CTBP2: variants seen among roughly 807,000 people sequenced by gnomAD.
CTBP2 encodes C-terminal-binding protein 2.
A neutral mutation model predicts 80.3 loss-of-function variants in CTBP2; 30 were observed. The observed-to-expected ratio is 0.37, with a 90% confidence interval of 0.28 to 0.51. The LOEUF (loss-of-function observed/expected upper bound fraction) is 0.51. CTBP2 is among the 20% of genes least tolerant of loss of function. The pLI, the probability that CTBP2 is intolerant of heterozygous loss-of-function variation, is 0.93. For missense variants in CTBP2, 1,212 were observed against 1,375.3 expected (o/e 0.88, Z 1.88); for synonymous variants, 594 against 587.4 (o/e 1.01, Z -0.16).
chr10:124,993,315 G>T lies in CTBP2; in HGVS notation c.2546C>A (p.Pro849Gln). The T allele has an allele frequency of 6.2e-6, 10 of 1,608,954 alleles. No individual in the cohort carries two copies. Among genetic ancestry groups the T allele is most frequent in the Non-Finnish European group, 8.5e-6 (10 of 1,175,816 alleles). The change falls in exon 7 of 9, where the codon CCG (proline) becomes CAG (glutamine). Residue 849 changes from proline to glutamine, a missense_variant. Around this residue, in one of 3 missense-constraint regions of CTBP2, gnomAD observed 335 missense variants for 504.7 expected, o/e 0.66. Transcript: ENST00000309035. ...GATGAGATTCGGGGCATCTTTCAAC[G>T]GACCCTGAGCAAAGCTAGAAAAATG... is the stretch of plus-strand genomic sequence containing the variant.
chr10:125,159,097 G>A (rs1451632725), intron 1 of CTBP2, among the ~76,000 whole-genome samples: 4 of 149,980 alleles, frequency 2.7e-5, no homozygotes, highest in Non-Finnish European at 4.5e-5. Flanking sequence ...GGGGCGCTGG[G>A]GGCAGCGCGA....
At chr10:125,121,715 G>A (rs960812380) in intron 1 of CTBP2, among the ~76,000 whole-genome samples, 8 of 152,102 alleles carry the variant, frequency 5.3e-5, no homozygotes, top group Non-Finnish European at 8.8e-5. Context: ...AGTGCCAAAC[G>A]AATACAACAA....
At chr10:125,013,634 C>T (rs1956161338) in intron 1 of CTBP2, among the ~76,000 whole-genome samples, 1 of 152,182 alleles carries the variant, frequency 6.6e-6, no homozygotes, top group African/African-American at 2.4e-5. Context: ...TCTCTTGCAC[C>T]CTCCACACAA....
intron 1 of CTBP2, among the ~76,000 whole-genome samples, chr10:125,146,605 C>T (rs1011847216): frequency 8.5e-5 from 13 of 152,052 alleles, no homozygotes; most frequent in African/African-American, 2.9e-4. Context: ...TTTTTAATAG[C>T]ATGAGTTGAA....
At chr10:125,147,008 T>C (rs894771448) in intron 1 of CTBP2, among the ~76,000 whole-genome samples, 1 of 152,148 alleles carries the variant, frequency 6.6e-6, no homozygotes. Flanking sequence ...CCACAGCTGC[T>C]GCTGACTGAG....
At chr10:125,008,087 C>T (rs887521918) in intron 1 of CTBP2, among the ~76,000 whole-genome samples, 8 of 152,258 alleles carry the variant, frequency 5.3e-5, no homozygotes, top group African/African-American at 1.9e-4. Context: ...GCTGAGACTA[C>T]AGGCATGTGC....
intron 3 of CTBP2, among the ~76,000 whole-genome samples, chr10:125,038,452 TAATC>T (rs1425424291): frequency 1.3e-5 from 2 of 152,152 alleles, no homozygotes; most frequent in East Asian, 3.8e-4. Flanking sequence ...GCGCAGTGCT[TAATC>T]AACACTTCAG....
chr10:125,146,494 G>A (rs1858802111), intron 1 of CTBP2, among the ~76,000 whole-genome samples: 1 of 152,086 alleles, frequency 6.6e-6, no homozygotes, highest in Non-Finnish European at 1.5e-5. Flanking sequence ...TGTTGGCCAG[G>A]CTGGTCTCAA....
chr10:125,046,210 G>T (rs7075394), intron 2 of CTBP2, among the ~76,000 whole-genome samples: 41,746 of 152,030 alleles, frequency 0.27, 6,086 homozygotes, highest in Admixed American at 0.36. Context: ...TTTAGGGCAG[G>T]TCAAATTCTG....
At chr10:125,153,961 T>G (rs1055369112) in intron 1 of CTBP2, among the ~76,000 whole-genome samples, 3 of 152,244 alleles carry the variant, frequency 2.0e-5, no homozygotes, top group African/African-American at 7.2e-5. Context: ...CTACACACAC[T>G]GTCTCTGTGA....
In CTBP2 at chr10:125,040,971, C is replaced by T. The variant is rs148105068; in HGVS notation, c.-101-1816G>A. On this transcript the variant is annotated intron_variant, in intron 2 of 10. Coordinates refer to the CTBP2 transcript ENST00000337195. Reference sequence around the variant, plus strand: ...CAACGATTGGGAAGTTCCCCCAAAACGGGGACTGACCATATCGGATCAGTC... The same window carrying T: ...CAACGATTGGGAAGTTCCCCCAAAATGGGGACTGACCATATCGGATCAGTC... 7.2e-5 allele frequency among the ~76,000 whole-genome samples: 11 copies of T among 152,338 alleles called. No homozygotes were observed. In the East Asian group the frequency reaches 1.9e-3, roughly 27 times the overall value.
chr10:125,130,995 C>T (rs1002720468), intron 1 of CTBP2, among the ~76,000 whole-genome samples: 1 of 152,120 alleles, frequency 6.6e-6, no homozygotes, highest in Non-Finnish European at 1.5e-5. Flanking sequence ...AGCCAAGACA[C>T]GATCAGCTCT....
intron 1 of CTBP2, among the ~76,000 whole-genome samples, chr10:125,016,418 C>T (rs1956491551): frequency 6.6e-6 from 1 of 152,258 alleles, no homozygotes; most frequent in Non-Finnish European, 1.5e-5. Flanking sequence ...CACCAGTGTT[C>T]CAGAGAAATG....
chr10:124,987,425 A>G lies in CTBP2; in HGVS notation c.*2093T>C, dbSNP rs559315725. 1.3e-5 allele frequency: 2 copies of G among 152,188 alleles called. No homozygotes were observed. Among genetic ancestry groups the G allele is most frequent in the South Asian group, 4.2e-4 (2 of 4,814 alleles). The allele number at this position is 152,188 out of a possible 1,614,324, so 9.4% of individuals were successfully genotyped here. A position where few individuals can be genotyped will look rare whatever the true frequency, so the allele number is the denominator to read the frequency against. On this transcript the variant is annotated 3_prime_UTR_variant, in exon 9 of 9. Coordinates refer to ENST00000309035, the MANE Select transcript of CTBP2 (RefSeq NM_022802.3). ...GATCTAATAATTAAAACCCAGGTGG[A>G]CCATGGATTCAGACCTGCCTTTTTA...
chr10:125,048,370 A>G (rs1391716420), intron 2 of CTBP2, among the ~76,000 whole-genome samples: 3 of 152,070 alleles, frequency 2.0e-5, no homozygotes, highest in Admixed American at 1.3e-4. Context: ...AAGATCAGCT[A>G]CTCCTAGAAG....
At chr10:125,133,178 A>G (rs1856449533) in intron 1 of CTBP2, among the ~76,000 whole-genome samples, 1 of 152,168 alleles carries the variant, frequency 6.6e-6, no homozygotes, top group Non-Finnish European at 1.5e-5. Flanking sequence ...GTGCATGGAA[A>G]TCCACATACA....
intron 1 of CTBP2, among the ~76,000 whole-genome samples, chr10:125,024,233 G>T (rs1011793538): frequency 6.6e-6 from 1 of 152,196 alleles, no homozygotes; most frequent in East Asian, 1.9e-4. Flanking sequence ...CCCCCTTCCC[G>T]ACAGGGTGTG....
At chr10:125,098,657 GGAGAGAGAGAGAGAGAGAGA>G (rs565818097) in intron 2 of CTBP2, among the ~76,000 whole-genome samples, 638 of 44,862 alleles carry the variant, frequency 0.014, 7 homozygotes, top group African/African-American at 0.03. Context: ...TGGGGGAGGG[GGAGAGAGAGAGAGAGAGAGA>G]GAGAGAGAGA....
chr10:125,094,356 A>G (rs1849230022), intron 2 of CTBP2, among the ~76,000 whole-genome samples: 1 of 152,220 alleles, frequency 6.6e-6, no homozygotes, highest in Non-Finnish European at 1.5e-5. Flanking sequence ...AGCACCAGGC[A>G]TGTGGCGACG....
Sources: allele counts gnomAD v4.1 joint callset (sites outside exome capture counted in the v4.1 genomes callset), GRCh38; gene constraint gnomAD v4.1.1; regional missense constraint gnomAD v4.1.1; transcripts MANE v1.5; gene names NCBI Gene and HGNC (gene_info 2026-07-23, HGNC 2026-07-21).